Variants in AP1S3 observed in about 807,000 individuals in gnomAD.
The protein encoded by AP1S3 is AP-1 complex subunit sigma-3.
In AP1S3, 10 loss-of-function variants were observed where a neutral mutation model predicts 20.9. The observed-to-expected ratio is 0.48, with a 90% CI of 0.29 to 0.81. AP1S3 has a LOEUF of 0.81. AP1S3 is among the 30% of genes least tolerant of loss of function. The pLI is 0.08. For missense variants in AP1S3, 154 were observed against 183.8 expected (o/e 0.84, Z 0.94); for synonymous variants, 41 against 61.5 (o/e 0.67, Z 1.56).
At chr2:223,831,023 A>AT (rs892408793) in intron 1 of AP1S3, among the ~76,000 whole-genome samples, 168 of 151,720 alleles carry the variant, frequency 1.1e-3, no homozygotes, top group African/African-American at 3.2e-3. Flanking sequence ...CAAGAAATAC[A>AT]TTTTTTTTTC....
chr2:223,792,146 T>C (rs1036001534), intron 1 of AP1S3, among the ~76,000 whole-genome samples: 2 of 152,114 alleles, frequency 1.3e-5, no homozygotes, highest in African/African-American at 4.8e-5. Context: ...TAGAAAAAAC[T>C]ATTTTAAAAT....
chr2:223,782,275 A>T lies in AP1S3; in HGVS notation c.4-4406T>A, dbSNP rs1232627421. 2.6e-5 allele frequency among the ~76,000 whole-genome samples: 4 copies of T among 152,112 alleles called. No individual in the cohort carries two copies. The East Asian group carries it at 7.7e-4, about 29-fold the overall frequency. The stretch of plus-strand genomic sequence containing the variant: ...TGATTGGCCCACCTCAGCCTCCCAA[A>T]GTGCTGGGATTACAGGTGTAAGCCA... On this transcript the variant is annotated intron_variant, in intron 1 of 4. Coordinates refer to ENST00000396654, the MANE Select transcript of AP1S3 (RefSeq NM_001039569.2).
In AP1S3 at chr2:223,781,018, C is replaced by T. The variant is rs767285101; in HGVS notation, c.4-3149G>A. 5.3e-5 allele frequency among the ~76,000 whole-genome samples: 8 copies of T among 151,616 alleles called. No homozygotes were observed. In the East Asian group the frequency reaches 7.8e-4, roughly 15 times the overall value. The stretch of plus-strand genomic sequence containing the variant: ...TTGTAAGTATCCAGTGTTTAGCTCC[C>T]GCTTGTGAGAACATGCAATATTTGG... On this transcript the variant is annotated intron_variant, in intron 1 of 4. Coordinates refer to ENST00000396654, the MANE Select transcript of AP1S3 (RefSeq NM_001039569.2).
intron 1 of AP1S3, among the ~76,000 whole-genome samples, chr2:223,822,825 A>G (rs1036918897): frequency 1.3e-5 from 2 of 152,210 alleles, no homozygotes; most frequent in African/African-American, 4.8e-5. Flanking sequence ...GAAAATATTT[A>G]CAATCCATAA....
At chr2:223,790,297 T>C in intron 1 of AP1S3, among the ~76,000 whole-genome samples, 1 of 151,300 alleles carries the variant, frequency 6.6e-6, no homozygotes, top group East Asian at 1.9e-4. Context: ...AGTGGCATGA[T>C]CTCAGCTCAC....
chr2:223,814,593 C>T (rs603848), intron 1 of AP1S3, among the ~76,000 whole-genome samples: 14,718 of 152,134 alleles, frequency 0.097, 903 homozygotes, highest in African/African-American at 0.18. Flanking sequence ...ACTTCACAAA[C>T]GAAATTCTCA....
chr2:223,765,172 C>CATG, intron 4 of AP1S3, 41 bp downstream of exon 4: 1 of 1,607,438 alleles, frequency 6.2e-7, no homozygotes, highest in Admixed American at 1.7e-5. Flanking sequence ...TCATCATCAT[C>CATG]ATCATCATCT....
intron 1 of AP1S3, among the ~76,000 whole-genome samples, chr2:223,801,271 T>C (rs183976200): frequency 1.3e-5 from 2 of 152,320 alleles, no homozygotes; most frequent in Admixed American, 6.5e-5. Flanking sequence ...AAGTACCTTG[T>C]TCCAGATCGA....
intron 3 of AP1S3, among the ~76,000 whole-genome samples, chr2:223,766,495 C>T (rs1690485269): frequency 6.6e-6 from 1 of 152,184 alleles, no homozygotes; most frequent in Non-Finnish European, 1.5e-5. Flanking sequence ...AAATCAAAAA[C>T]TACAATGAGA....
chr2:223,829,696 G>GT lies in AP1S3; in HGVS notation c.3+7751dup, dbSNP rs998178017. Among the ~76,000 whole-genome samples, 9 of 151,620 alleles carry GT rather than the reference G, an allele frequency of 5.9e-5. No individual in the cohort carries two copies. The East Asian group carries it at 1.7e-3, about 29-fold the overall frequency. The stretch of plus-strand genomic sequence containing the variant: ...CAAAAAAAAGTTAAAAATTAGCTGG[G>GT]TAAGGTGGTGGGCACCTGTAATCCC... On this transcript the variant is annotated intron_variant, in intron 1 of 4. Coordinates refer to ENST00000396654, the MANE Select transcript of AP1S3 (RefSeq NM_001039569.2).
In AP1S3 at chr2:223,795,390, A is replaced by C. The variant is rs981049277; in HGVS notation, c.4-17521T>G. Among the ~76,000 whole-genome samples the C allele has an allele frequency of 1.7e-4, 26 of 152,370 alleles. 1 individual carries two copies. Among genetic ancestry groups the C allele is most frequent in the Admixed American group, 1.6e-3 (24 of 15,304 alleles). On this transcript the variant is annotated intron_variant, in intron 1 of 4. Coordinates refer to ENST00000396654, the MANE Select transcript of AP1S3 (RefSeq NM_001039569.2). The stretch of plus-strand genomic sequence containing the variant: ...CGGAAGTTTCCCAGACACTTTTTAC[A>C]CATGTTCTTAGGATGAAGATTCACT...
intron 3 of AP1S3, among the ~76,000 whole-genome samples, chr2:223,766,018 G>A (rs1346759748): frequency 6.6e-6 from 1 of 152,134 alleles, no homozygotes; most frequent in Non-Finnish European, 1.5e-5. Flanking sequence ...AGATTTTGGT[G>A]TTTATTTAAG....
chr2:223,780,351 A>AGTGTGTGTGTGTGT (rs1416516684), intron 1 of AP1S3, among the ~76,000 whole-genome samples: 1 of 62,208 alleles, frequency 1.6e-5, no homozygotes, highest in African/African-American at 7.5e-5. Flanking sequence ...AGAGAGAGAG[A>AGTGTGTGTGTGTGT]GAGAGAGTGT....
intron 1 of AP1S3, among the ~76,000 whole-genome samples, chr2:223,826,294 A>C (rs893991840): frequency 1.5e-5 from 2 of 136,498 alleles, no homozygotes; most frequent in African/African-American, 5.4e-5. Flanking sequence ...GAAGTTGAAT[A>C]AAACATTAAT....
intron 1 of AP1S3, among the ~76,000 whole-genome samples, chr2:223,795,711 G>A (rs556485311): frequency 1.3e-5 from 2 of 152,272 alleles, no homozygotes; most frequent in African/African-American, 4.8e-5. Context: ...GAGCTAAGTC[G>A]ATGTGAAAAA....
intron 1 of AP1S3, among the ~76,000 whole-genome samples, chr2:223,792,229 T>C (rs542258316): frequency 1.3e-5 from 2 of 152,160 alleles, no homozygotes; most frequent in African/African-American, 4.8e-5. Context: ...GGAGGCATTA[T>C]GCTACCCAAA....
intron 4 of AP1S3, among the ~76,000 whole-genome samples, chr2:223,759,130 A>C (rs1690292557): frequency 6.6e-6 from 1 of 152,134 alleles, no homozygotes; most frequent in South Asian, 2.1e-4. Flanking sequence ...AAATACAAAA[A>C]TTACCCGAGT....
At chr2:223,802,788 C>T (rs1438962422) in intron 1 of AP1S3, among the ~76,000 whole-genome samples, 2 of 151,996 alleles carry the variant, frequency 1.3e-5, no homozygotes, top group Non-Finnish European at 2.9e-5. Context: ...TTTGATCTAC[C>T]CCATGGTTCA....
At chr2:223,836,150 G>A (rs367830076) in intron 1 of AP1S3, among the ~76,000 whole-genome samples, 2 of 152,114 alleles carry the variant, frequency 1.3e-5, no homozygotes, top group African/African-American at 4.8e-5. Context: ...CTTAGCCCAC[G>A]TGGCCCACCC....
Sources: gnomAD v4.1 joint callset for allele counts (sites outside exome capture counted in the v4.1 genomes callset) on GRCh38, gnomAD v4.1.1 for gene constraint, MANE v1.5 for transcripts, NCBI Gene and HGNC (gene_info 2026-07-23, HGNC 2026-07-21) for gene names.